Variants in RAB31 observed in about 807,000 individuals in gnomAD.
The protein encoded by RAB31 is ras-related protein Rab-31.
RAB31 carries 21 observed loss-of-function variants against 25.6 expected under a neutral mutation model. The ratio of observed to expected loss-of-function variants is 0.82; its 90% confidence interval spans 0.58 to 1.18. The LOEUF (loss-of-function observed/expected upper bound fraction) is 1.18, where lower values mean the gene tolerates loss of function less well. Among genes scored for constraint, RAB31 ranks in the 50% most tolerant of loss-of-function variants. The pLI, the probability that RAB31 is intolerant of heterozygous loss-of-function variation, is 0.00. For synonymous variants in RAB31, 87 were observed against 84.0 expected (o/e 1.04, Z -0.20); for missense variants, 196 against 250.1 (o/e 0.78, Z 1.46).
intron 1 of RAB31, among the ~76,000 whole-genome samples, chr18:9,765,037 A>G (rs1383317589): frequency 2.0e-5 from 3 of 151,728 alleles, no homozygotes; most frequent in Admixed American, 1.3e-4. Context: ...ACGGCAACCT[A>G]CGCCTCCTGG....
intron 3 of RAB31, among the ~76,000 whole-genome samples, chr18:9,796,338 C>G (rs960173704): frequency 1.3e-5 from 2 of 152,108 alleles, no homozygotes; most frequent in Non-Finnish European, 1.5e-5. Flanking sequence ...AGAATTTACT[C>G]TTGTAAGCAA....
At chr18:9,833,601 G>T (rs1341170245) in intron 5 of RAB31, among the ~76,000 whole-genome samples, 1 of 152,142 alleles carries the variant, frequency 6.6e-6, no homozygotes, top group Non-Finnish European at 1.5e-5. Context: ...GGATTGTAAG[G>T]TACTATTTTT....
chr18:9,750,282 C>A (rs1270224090), intron 1 of RAB31, among the ~76,000 whole-genome samples: 1 of 152,194 alleles, frequency 6.6e-6, no homozygotes, highest in Non-Finnish European at 1.5e-5. Flanking sequence ...ATAGAAAACT[C>A]GGGCTGCCTT....
At chr18:9,750,561 A>G (rs550422264) in intron 1 of RAB31, among the ~76,000 whole-genome samples, 1 of 152,138 alleles carries the variant, frequency 6.6e-6, no homozygotes, top group Non-Finnish European at 1.5e-5. Flanking sequence ...TGGCCAGTGC[A>G]TTCTTACGTG....
chr18:9,792,939 C>G (rs1469381823), intron 3 of RAB31, among the ~76,000 whole-genome samples: 1 of 152,232 alleles, frequency 6.6e-6, no homozygotes, highest in African/African-American at 2.4e-5. Flanking sequence ...TTCTCTTTTA[C>G]TCCTAATTCT....
At chr18:9,796,097 G>A (rs2068485720) in intron 3 of RAB31, among the ~76,000 whole-genome samples, 1 of 152,166 alleles carries the variant, frequency 6.6e-6, no homozygotes, top group Non-Finnish European at 1.5e-5. Flanking sequence ...CAGCAAACTG[G>A]ATGCAATTGG....
In RAB31 at chr18:9,859,281, A is replaced by G. The variant is rs2068835006; in HGVS notation, c.544A>G (p.Lys182Glu). The G allele has an allele frequency of 1.2e-6, 2 of 1,613,926 alleles. No individual in the cohort carries two copies. Among genetic ancestry groups the G allele is most frequent in the Non-Finnish European group, 8.5e-7 (1 of 1,179,834 alleles). Residue 182 changes from lysine to glutamate, a missense_variant, in exon 7 of 7, where the codon AAA (lysine) becomes GAA (glutamate). By Grantham distance (56) the Lys-to-Glu change is moderately conservative (BLOSUM62 1). Transcript: ENST00000578921. ...PHENGNNGTI[K>E]VEKPTMQASR... ...TGAAAATGGAAACAATGGAACAATC[A>G]AAGTTGAGAAGCCAACCATGCAAGC...
At chr18:9,798,898 GC>G (rs1308059423) in intron 3 of RAB31, among the ~76,000 whole-genome samples, 1 of 152,158 alleles carries the variant, frequency 6.6e-6, no homozygotes, top group Non-Finnish European at 1.5e-5. Flanking sequence ...GACCAGCCTG[GC>G]CAACATGGTG....
intron 3 of RAB31, among the ~76,000 whole-genome samples, chr18:9,800,446 A>G (rs531790625): frequency 6.6e-6 from 1 of 152,306 alleles, no homozygotes; most frequent in Admixed American, 6.5e-5. Context: ...AGATATATTT[A>G]TTCCTTCCTC....
At position 9,859,314 on chromosome 18, in the gene RAB31, C is replaced by G; in HGVS notation, c.577C>G (p.Arg193Gly). ...VEKPTMQASR[R>G]CC The stretch of plus-strand genomic sequence containing the variant: ...GAAGCCAACCATGCAAGCCAGCCGC[C>G]GGTGCTGTTGACCCAAGGGCCGTGG... Residue 193 changes from arginine (R) to glycine (G), a missense_variant, in exon 7 of 7, where the codon CGG becomes GGG. Arg to Gly is a moderately radical substitution (Grantham distance 125, BLOSUM62 -2). Coordinates refer to ENST00000578921, the MANE Select transcript of RAB31 (RefSeq NM_006868.4). 6.2e-7 allele frequency: 1 copy of G among 1,612,428 alleles called. No homozygotes were observed. Among genetic ancestry groups the G allele is most frequent in the Non-Finnish European group, 8.5e-7 (1 of 1,178,530 alleles).
chr18:9,710,389 G>A (rs1478697651), intron 1 of RAB31, among the ~76,000 whole-genome samples: 1 of 152,122 alleles, frequency 6.6e-6, no homozygotes, highest in Non-Finnish European at 1.5e-5. Flanking sequence ...GAAGCTGGAG[G>A]AAATCTCTTT....
chr18:9,827,885 G>A lies in RAB31; in HGVS notation c.380+12663G>A, dbSNP rs184278143. On this transcript the variant is annotated intron_variant, in intron 5 of 6. Coordinates refer to ENST00000578921, the MANE Select transcript of RAB31 (RefSeq NM_006868.4). The stretch of plus-strand genomic sequence containing the variant: ...TCTATTTGGGCAGCCAAGAAAGGGG[G>A]TGGGGAAGTATCTGATGAGCAATGT... 7.4e-3 allele frequency among the ~76,000 whole-genome samples: 1,127 copies of A among 152,280 alleles called. 4 individuals carry two copies. The highest frequency in any genetic ancestry group is 0.013 in the Admixed American group (199 of 15,298).
intron 1 of RAB31, among the ~76,000 whole-genome samples, chr18:9,709,693 C>A (rs983847990): frequency 6.6e-6 from 1 of 152,216 alleles, no homozygotes; most frequent in African/African-American, 2.4e-5. Flanking sequence ...AGGCCCTGCC[C>A]TCCCTGCTAG....
At chr18:9,736,988 T>A (rs987360733) in intron 1 of RAB31, among the ~76,000 whole-genome samples, 1 of 152,228 alleles carries the variant, frequency 6.6e-6, no homozygotes, top group Non-Finnish European at 1.5e-5. Context: ...TATTAAAATT[T>A]ATTATGTATT....
intron 2 of RAB31, among the ~76,000 whole-genome samples, chr18:9,784,756 T>C (rs2068423353): frequency 6.6e-6 from 1 of 152,016 alleles, no homozygotes. Flanking sequence ...TTTTGCCATG[T>C]TGGCCAGGCT....
intron 6 of RAB31, among the ~76,000 whole-genome samples, chr18:9,849,332 A>C (rs2068777150): frequency 6.6e-6 from 1 of 152,204 alleles, no homozygotes; most frequent in Non-Finnish European, 1.5e-5. Context: ...AGCTGAGACT[A>C]ATAAATGGAA....
chr18:9,737,848 AG>A (rs2068158253), intron 1 of RAB31, among the ~76,000 whole-genome samples: 1 of 152,186 alleles, frequency 6.6e-6, no homozygotes, highest in African/African-American at 2.4e-5. Flanking sequence ...AATAGGTCAG[AG>A]GGTTCTAACA....
intron 5 of RAB31, among the ~76,000 whole-genome samples, chr18:9,818,336 C>G (rs2068609389): frequency 6.6e-6 from 1 of 152,196 alleles, no homozygotes; most frequent in Non-Finnish European, 1.5e-5. Context: ...TTCTATCACT[C>G]TGTGAAGAAC....
intron 5 of RAB31, among the ~76,000 whole-genome samples, chr18:9,831,894 T>C (rs1474645714): frequency 6.6e-6 from 1 of 152,144 alleles, no homozygotes; most frequent in African/African-American, 2.4e-5. Flanking sequence ...GGATTCTGAG[T>C]GGCCAGTTGT....
Sources: gnomAD v4.1 joint callset for allele counts (sites outside exome capture counted in the v4.1 genomes callset) on GRCh38, gnomAD v4.1.1 for gene constraint, MANE v1.5 for transcripts, NCBI Gene and HGNC (gene_info 2026-07-23, HGNC 2026-07-21) for gene names.